Variants in MYO9B observed in about 807,000 individuals in gnomAD.
The protein encoded by MYO9B is myosin IXB.
A neutral mutation model predicts 229.5 loss-of-function variants in MYO9B; 71 were observed. The ratio of observed to expected loss-of-function variants is 0.31; its 90% CI spans 0.26 to 0.38. The LOEUF is 0.38. Ranked by LOEUF, MYO9B falls within the 10% of genes least tolerant of loss-of-function variation. The probability of loss-of-function intolerance (pLI) is 1.00; values close to 1 mark genes in which losing one functional copy is unlikely to be tolerated. For missense variants in MYO9B, 2,255 were observed against 2,920.5 expected (o/e 0.77, Z 5.25); for synonymous variants, 1,185 against 1,235.8 (o/e 0.96, Z 0.86).
chr19:17,210,977 CTTTTTTTTT>C (rs35355662), intron 38 of MYO9B, 129 bp downstream of exon 38: 2 of 334,448 alleles, frequency 6.0e-6, no homozygotes, highest in East Asian at 8.2e-5. Flanking sequence ...GCAAACAACA[CTTTTTTTTT>C]TTTTTTTTTT....
Position 17,206,293 on chromosome 19 carries a change from CAG to C in MYO9B, c.5304_5305del (p.Val1770AlafsTer89), listed in dbSNP as rs1191766383. The C allele has an allele frequency of 2.5e-6, 4 of 1,605,170 alleles. No homozygotes were observed. The highest frequency in any genetic ancestry group is 2.7e-5 in the African/African-American group (2 of 74,546). ...GAGAACTTCCCCATCCACGCCATCA[CAG>C]GGGTGCTGAAGCAGTGGCTGCGGGA... is the stretch of plus-strand genomic sequence containing the variant. On this transcript the variant is annotated frameshift_variant, in exon 33 of 40. Transcript: ENST00000682292. LOFTEE classifies it high-confidence loss of function.
chr19:17,209,481 TGA>T (rs2073201149), intron 35 of MYO9B, 103 bp from the exon 36 acceptor site: 1 of 1,284,120 alleles, frequency 7.8e-7, no homozygotes, highest in Non-Finnish European at 1.1e-6. Flanking sequence ...GCTTGGTCTC[TGA>T]GCCTCAACCA....
rs374669693 is a variant in MYO9B at position 17,201,148 on chromosome 19, C to T, written c.4563+319C>T. ...CTCCTGGGGGCTGAGGCAGGAAGAT[C>T]GCTTGAGCCCAAGAGGTCGAGGCAC... On this transcript the variant is annotated intron_variant, in intron 26 of 39. Transcript: ENST00000682292. Among the ~76,000 whole-genome samples, 7 of 152,288 alleles carry T rather than the reference C, an allele frequency of 4.6e-5. No individual in the cohort carries two copies. The East Asian group carries it at 1.2e-3, about 25-fold the overall frequency.
rs764627414 is a variant in MYO9B, at chr19:17,209,542, G to A, written c.5625-44G>A. On this transcript the variant is annotated intron_variant, in intron 35 of 39. Coordinates refer to ENST00000682292, the MANE Select transcript of MYO9B (RefSeq NM_004145.4). ...ATCTCCCTGGACCTCAGACGTCCCC[G>A]GGGCGGTAACTGAGTCACTTCCTCC... 3.2e-6 allele frequency: 5 copies of A among 1,551,016 alleles called. No individual in the cohort carries two copies. In the African/African-American group the frequency reaches 4.1e-5, roughly 13 times the overall value.
intron 1 of MYO9B, among the ~76,000 whole-genome samples, chr19:17,090,348 G>C (rs1568654707): frequency 1.3e-5 from 2 of 151,796 alleles, no homozygotes; most frequent in South Asian, 4.2e-4. Flanking sequence ...ACGAGGTTTC[G>C]CCATGTTCCC....
At position 17,192,927 on chromosome 19, in the gene MYO9B, CGCTGGA is replaced by C; in HGVS notation, c.2995_3000del (p.Leu999_Glu1000del). ...TGGCGGTCCTACCGGGTCCGGAGGG[CGCTGGA>C]GAGGACGCAGGCTGCCGTGTACCTC... is the stretch of plus-strand genomic sequence containing the variant. On this transcript the variant is annotated inframe_deletion, in exon 21 of 40. Transcript: ENST00000682292. 1 of 1,549,086 alleles carries C rather than the reference CGCTGGA, an allele frequency of 6.5e-7. No individual in the cohort carries two copies. The highest frequency in any genetic ancestry group is 8.7e-7 in the Non-Finnish European group (1 of 1,146,556).
intron 10 of MYO9B, among the ~76,000 whole-genome samples, chr19:17,164,859 G>A (rs1381484381): frequency 1.3e-5 from 2 of 152,164 alleles, no homozygotes; most frequent in African/African-American, 4.8e-5. Context: ...ATTAAGTTGT[G>A]CAGGAAGGGT....
Position 17,102,313 on chromosome 19 carries a change from A to G in MYO9B, c.596A>G (p.Tyr199Cys). The change falls in exon 2 of 40, where the codon TAC (tyrosine) becomes TGC (cysteine). Residue 199 changes from tyrosine (Y) to cysteine (C), a missense_variant. Physicochemically the swap from Tyr to Cys is radical, Grantham distance 194. Around this residue, in one of 7 missense-constraint regions of MYO9B, gnomAD observed 386 missense variants for 515.2 expected, o/e 0.75. Transcript: ENST00000682292. ...TTCCTGCCCATCTACAACCCCAAGT[A>G]CGTGAAGATGTATGAGAACCAGCAG... The part of the protein sequence containing the change: ...FKFLPIYNPK[Y>C]VKMYENQQLG... The G allele has an allele frequency of 6.2e-7, 1 of 1,614,034 alleles. No homozygotes were observed. Among genetic ancestry groups the G allele is most frequent in the Non-Finnish European group, 8.5e-7 (1 of 1,179,888 alleles).
chr19:17,103,949 G>A (rs573839617), intron 2 of MYO9B, among the ~76,000 whole-genome samples: 3 of 151,912 alleles, frequency 2.0e-5, no homozygotes, highest in East Asian at 3.9e-4. Context: ...CCAGCTACTC[G>A]GGAGGCTGAG....
intron 17 of MYO9B, among the ~76,000 whole-genome samples, chr19:17,185,517 G>C (rs1568291355): frequency 6.7e-6 from 1 of 150,020 alleles, no homozygotes; most frequent in Non-Finnish European, 1.5e-5. Flanking sequence ...TTGCACTCCA[G>C]CTTGGGCAAC....
intron 10 of MYO9B, among the ~76,000 whole-genome samples, 184 bp from the exon 11 acceptor site, chr19:17,167,759 G>A (rs148627690): frequency 0.033 from 5,022 of 152,200 alleles, 276 homozygotes; most frequent in African/African-American, 0.11. Flanking sequence ...GATTACAGGC[G>A]TGAGCCACTG....
chr19:17,078,327 G>A (rs1468347253), intron 1 of MYO9B, among the ~76,000 whole-genome samples: 2 of 152,124 alleles, frequency 1.3e-5, no homozygotes, highest in Non-Finnish European at 2.9e-5. Flanking sequence ...GGATCACAAG[G>A]TCAGGAGTTC....
intron 3 of MYO9B, among the ~76,000 whole-genome samples, chr19:17,146,411 G>A (rs540696821): frequency 6.6e-6 from 1 of 151,826 alleles, no homozygotes; most frequent in East Asian, 1.9e-4. Context: ...GGATGGGTGG[G>A]TGGATGGATT....
At chr19:17,130,657 A>G (rs2072184275) in intron 2 of MYO9B, among the ~76,000 whole-genome samples, 1 of 149,168 alleles carries the variant, frequency 6.7e-6, no homozygotes, top group Non-Finnish European at 1.5e-5. Context: ...GGTGGTGCAC[A>G]CCTGTACTCC....
chr19:17,091,319 G>C (rs369811648), intron 1 of MYO9B, among the ~76,000 whole-genome samples: 1 of 152,212 alleles, frequency 6.6e-6, no homozygotes, highest in African/African-American at 2.4e-5. Context: ...TTGGCCTCAT[G>C]GGCTCAGGCA....
rs1259845516 is a variant in MYO9B, at chr19:17,175,656, C to T, written c.2141-7C>T. ...CCCCACCACCATCCACTCTGTGTCT[C>T]CGGCAGGTATGAGCAGCCCTGGTGC... is the stretch of plus-strand genomic sequence containing the variant. On this transcript the variant is annotated splice_polypyrimidine_tract_variant and splice_region_variant and intron_variant, in intron 13 of 39. Coordinates refer to ENST00000682292, the MANE Select transcript of MYO9B (RefSeq NM_004145.4). The T allele has an allele frequency of 1.9e-6, 3 of 1,566,106 alleles. No individual in the cohort carries two copies. Among genetic ancestry groups the T allele is most frequent in the South Asian group, 2.4e-5 (2 of 84,556 alleles).
intron 2 of MYO9B, among the ~76,000 whole-genome samples, chr19:17,138,346 T>G (rs1037167749): frequency 6.6e-6 from 1 of 152,182 alleles, no homozygotes; most frequent in Admixed American, 6.6e-5. Flanking sequence ...TTGTGAATAG[T>G]GCCGCAGTAA....
Position 17,105,319 on chromosome 19 carries a change from CAAAAAAAA to C in MYO9B, c.840+2781_840+2788del, listed in dbSNP as rs36000160. On this transcript the variant is annotated intron_variant, in intron 2 of 39. Transcript: ENST00000682292. ...CAACATAACAAGACCCTGTCTCTAC[CAAAAAAAA>C]AAAAAAAAAAAAAAAAAATTAGCCA... Among the ~76,000 whole-genome samples the C allele has an allele frequency of 2.3e-3, 163 of 71,656 alleles. 1 individual carries two copies. Among genetic ancestry groups the C allele is most frequent in the South Asian group, 5.7e-3 (13 of 2,278 alleles). 47.0% of individuals were successfully genotyped at this position (71,656 alleles called of 152,430 possible). A position where few individuals can be genotyped will look rare whatever the true frequency, so the allele number is the denominator to read the frequency against.
At chr19:17,176,105 C>G (rs1029833745) in intron 14 of MYO9B, among the ~76,000 whole-genome samples, 2 of 152,222 alleles carry the variant, frequency 1.3e-5, no homozygotes, top group Admixed American at 1.3e-4. Context: ...TCTCGGCTCA[C>G]TGCAGGCTCC....
Sources: allele counts gnomAD v4.1 joint callset (sites outside exome capture counted in the v4.1 genomes callset), GRCh38; gene constraint gnomAD v4.1.1; regional missense constraint gnomAD v4.1.1; transcripts MANE v1.5; gene names NCBI Gene and HGNC (gene_info 2026-07-23, HGNC 2026-07-21).